ADGRL4: variants seen among roughly 807,000 people sequenced by gnomAD.
ADGRL4 encodes the protein adhesion G protein-coupled receptor L4.
ADGRL4 carries 90 observed loss-of-function variants against 74.8 expected under a neutral mutation model. The ratio of observed to expected loss-of-function variants is 1.20; its 90% CI spans 1.02 to 1.43. The LOEUF (loss-of-function observed/expected upper bound fraction) is 1.43. Ranked by LOEUF, ADGRL4 falls within the 40% of genes most tolerant of loss-of-function variation. ADGRL4 has a pLI of 0.00. For synonymous variants in ADGRL4, 311 were observed against 279.2 expected (o/e 1.11, Z -1.14); for missense variants, 881 against 814.3 (o/e 1.08, Z -1.00).
intron 7 of ADGRL4, among the ~76,000 whole-genome samples, chr1:78,935,202 C>T (rs1368292929): frequency 6.6e-6 from 1 of 152,148 alleles, no homozygotes; most frequent in African/African-American, 2.4e-5. Flanking sequence ...GGTACATATA[C>T]ACCATGAAAA....
intron 2 of ADGRL4, among the ~76,000 whole-genome samples, chr1:78,993,188 T>C (rs1006668388): frequency 6.6e-6 from 1 of 152,150 alleles, no homozygotes; most frequent in African/African-American, 2.4e-5. Context: ...AAAGTTCTCA[T>C]AAAATGACTT....
At chr1:78,913,852 T>A (rs1648814720) in intron 12 of ADGRL4, among the ~76,000 whole-genome samples, 1 of 151,850 alleles carries the variant, frequency 6.6e-6, no homozygotes, top group Admixed American at 6.6e-5. Context: ...ATACTAAGCA[T>A]CCTAGTGAGG....
chr1:78,902,217 C>G (rs549263893), intron 12 of ADGRL4, among the ~76,000 whole-genome samples: 1 of 152,224 alleles, frequency 6.6e-6, no homozygotes, highest in South Asian at 2.1e-4. Flanking sequence ...TACTTCAAAA[C>G]TACTGTTATA....
At chr1:78,916,392 TACTC>T (rs1189611275) in intron 12 of ADGRL4, among the ~76,000 whole-genome samples, 2 of 151,966 alleles carry the variant, frequency 1.3e-5, no homozygotes, top group African/African-American at 4.8e-5. Context: ...TCACATGAAA[TACTC>T]ACATCAGGGC....
At chr1:78,953,004 C>T (rs921787032) in intron 2 of ADGRL4, among the ~76,000 whole-genome samples, 1 of 151,962 alleles carries the variant, frequency 6.6e-6, no homozygotes, top group Admixed American at 6.6e-5. Flanking sequence ...AAAATGTTCC[C>T]GTTTTATATT....
chr1:78,983,845 T>C (rs922650840), intron 2 of ADGRL4, among the ~76,000 whole-genome samples: 4 of 151,774 alleles, frequency 2.6e-5, no homozygotes, highest in African/African-American at 4.8e-5. Context: ...AAAAGATACA[T>C]GAGGACACTT....
chr1:78,996,877 T>A (rs2100739113), intron 2 of ADGRL4, among the ~76,000 whole-genome samples: 1 of 152,264 alleles, frequency 6.6e-6, no homozygotes, highest in Non-Finnish European at 1.5e-5. Context: ...AGCCAATGAA[T>A]TCAGGAAATC....
At chr1:78,908,937 A>T (rs1648701704) in intron 12 of ADGRL4, among the ~76,000 whole-genome samples, 2 of 151,958 alleles carry the variant, frequency 1.3e-5, no homozygotes, top group African/African-American at 4.8e-5. Context: ...TATTGAAACT[A>T]CCAATGTATT....
chr1:78,968,549 C>T (rs74093940), intron 2 of ADGRL4, among the ~76,000 whole-genome samples: 68,851 of 143,800 alleles, frequency 0.48, 17,103 homozygotes, highest in Middle Eastern at 0.55. Context: ...TTCAATTACC[C>T]TCTAGTGGTA....
At position 79,005,127 on chromosome 1, in the gene ADGRL4, T is replaced by C; in HGVS notation, c.115A>G (p.Ile39Val). The C allele has an allele frequency of 6.2e-7, 1 of 1,613,574 alleles. No homozygotes were observed. The highest frequency in any genetic ancestry group is 8.5e-7 in the Non-Finnish European group (1 of 1,179,718). The change falls in exon 2 of 15, where the codon ATT (isoleucine) becomes GTT (valine). Residue 39 changes from isoleucine (I) to valine (V), a missense_variant. Physicochemically the swap from Ile to Val is conservative, Grantham distance 29. Coordinates refer to ENST00000370742, the MANE Select transcript of ADGRL4 (RefSeq NM_022159.4). ...PNAKCEIRNG[I>V]EACYCNMGFS... ...CCCATGTTGCAATAGCAGGCTTCAA[T>C]TCCATTGCGTATTTCACATTTTGCA... is the stretch of plus-strand genomic sequence containing the variant.
chr1:78,932,744 CACCACTG>C (rs941898912), intron 7 of ADGRL4, among the ~76,000 whole-genome samples: 1 of 151,062 alleles, frequency 6.6e-6, no homozygotes, highest in African/African-American at 2.5e-5. Flanking sequence ...AGGGGGATAT[CACCACTG>C]ACCCTACAGA....
chr1:79,005,061 C>A lies in ADGRL4; in HGVS notation c.172+9G>T, dbSNP rs773248560. The A allele has an allele frequency of 7.5e-6, 12 of 1,609,086 alleles. No homozygotes were observed. The highest frequency in any genetic ancestry group is 3.4e-5 in the Admixed American group (2 of 59,140). ...GTATAATCCAAAAGAAGTAACAAAG[C>A]TTGTTTACCTTCACAAATTGTGACA... On this transcript the variant is annotated intron_variant, in intron 2 of 14. Coordinates refer to ENST00000370742, the MANE Select transcript of ADGRL4 (RefSeq NM_022159.4).
chr1:78,901,771 A>G (rs925907998), intron 12 of ADGRL4, among the ~76,000 whole-genome samples: 1 of 152,184 alleles, frequency 6.6e-6, no homozygotes, highest in Admixed American at 6.6e-5. Flanking sequence ...GCTACATGAC[A>G]CTGCTAGGAA....
At chr1:79,002,414 T>A (rs188442362) in intron 2 of ADGRL4, among the ~76,000 whole-genome samples, 33 of 152,214 alleles carry the variant, frequency 2.2e-4, no homozygotes, top group African/African-American at 7.7e-4. Context: ...ACATGTATGA[T>A]ATTTTTAAAG....
chr1:78,898,244 A>G lies in ADGRL4; in HGVS notation c.1750-5055T>C, dbSNP rs149984248. ...GTTGAACAGCTAGAAAGATACTATCAGCACTATGTTTATATGGCAGTGTCT... is the reference window on the plus strand; with the variant it reads ...GTTGAACAGCTAGAAAGATACTATCGGCACTATGTTTATATGGCAGTGTCT... On this transcript the variant is annotated intron_variant, in intron 12 of 14. Transcript: ENST00000370742. Among the ~76,000 whole-genome samples, 1,000 of 152,290 alleles carry G rather than the reference A, an allele frequency of 6.6e-3. 11 individuals are homozygous for G. The highest frequency in any genetic ancestry group is 0.023 in the African/African-American group (947 of 41,580).
At chr1:78,952,094 G>C (rs903850648) in intron 2 of ADGRL4, among the ~76,000 whole-genome samples, 15 of 151,642 alleles carry the variant, frequency 9.9e-5, no homozygotes, top group Non-Finnish European at 2.1e-4. Flanking sequence ...AAAGAAAAAA[G>C]AAAAAAGAAT....
chr1:78,906,266 A>G (rs1648632739), intron 12 of ADGRL4, among the ~76,000 whole-genome samples: 1 of 152,034 alleles, frequency 6.6e-6, no homozygotes, highest in Admixed American at 6.6e-5. Flanking sequence ...CTAAAATCCC[A>G]TCCTAATACA....
chr1:78,924,605 A>T (rs1649075123), intron 8 of ADGRL4, among the ~76,000 whole-genome samples: 1 of 152,084 alleles, frequency 6.6e-6, no homozygotes, highest in Admixed American at 6.6e-5. Context: ...GCTGATAGAT[A>T]AGCTTACATG....
chr1:78,976,240 T>G (rs1650277675), intron 2 of ADGRL4, among the ~76,000 whole-genome samples: 1 of 151,908 alleles, frequency 6.6e-6, no homozygotes, highest in African/African-American at 2.4e-5. Context: ...AATAAATAAG[T>G]GCTGCATACT....
Sources: allele counts gnomAD v4.1 joint callset (sites outside exome capture counted in the v4.1 genomes callset), GRCh38; gene constraint gnomAD v4.1.1; transcripts MANE v1.5; gene names NCBI Gene and HGNC (gene_info 2026-07-23, HGNC 2026-07-21).